TRPV4: variants seen among roughly 807,000 people sequenced by gnomAD.
TRPV4 encodes the protein transient receptor potential cation channel subfamily V member 4.
TRPV4 carries 58 observed loss-of-function variants against 84.1 expected under a neutral mutation model. The observed-to-expected ratio is 0.69, with a 90% CI of 0.56 to 0.86. The LOEUF (loss-of-function observed/expected upper bound fraction) is 0.86, where lower values mean the gene tolerates loss of function less well. Among genes scored for constraint, TRPV4 ranks in the 40% least tolerant of loss-of-function variants. The pLI, the probability that TRPV4 is intolerant of heterozygous loss-of-function variation, is 0.00. For synonymous variants in TRPV4, 489 were observed against 500.9 expected, an observed-to-expected ratio of 0.98 and a Z score of 0.32; for missense variants, 879 against 1,181.1, an observed-to-expected ratio of 0.74 and a Z score of 3.75.
chr12:109,791,208 C>T (rs1323040248), intron 12 of TRPV4, among the ~76,000 whole-genome samples: 1 of 152,126 alleles, frequency 6.6e-6, no homozygotes, highest in Non-Finnish European at 1.5e-5. Context: ...CATAGTGAAA[C>T]CCCATCTCTA....
At chr12:109,818,402 G>A (rs545811345) in intron 1 of TRPV4, among the ~76,000 whole-genome samples, 3 of 151,638 alleles carry the variant, frequency 2.0e-5, no homozygotes, top group Admixed American at 1.3e-4. Context: ...TGCCCTGGAG[G>A]TAGGTATTGC....
In TRPV4 at chr12:109,786,498, C is replaced by A. The variant is rs1271450315; in HGVS notation, c.2336+212G>T. Among the ~76,000 whole-genome samples, 1 of 152,216 alleles carries A rather than the reference C, an allele frequency of 6.6e-6. No individual in the cohort carries two copies. Among genetic ancestry groups the A allele is most frequent in the Non-Finnish European group, 1.5e-5 (1 of 68,042 alleles). On this transcript the variant is annotated intron_variant, in intron 14 of 15. Transcript: ENST00000261740. The surrounding 1 kb of genome is among the most constrained non-coding windows in gnomAD (Gnocchi z 4.5). The stretch of plus-strand genomic sequence containing the variant: ...CCGCCAGCCTAGGAGCCCGTGAGAT[C>A]ATTGTCTCATTCCACAGATGAAGAA...
At chr12:109,831,062 T>C (rs1039535524) in intron 1 of TRPV4, among the ~76,000 whole-genome samples, 1 of 152,158 alleles carries the variant, frequency 6.6e-6, no homozygotes, top group Non-Finnish European at 1.5e-5. Context: ...ACCGTGTCAC[T>C]CCCAGGCAGG....
At position 109,814,166 on chromosome 12, in the gene TRPV4, A is replaced by G. The variant is rs1436027485; in HGVS notation, c.386+245T>C. On this transcript the variant is annotated intron_variant, in intron 2 of 15. Transcript: ENST00000261740. The surrounding 1 kb of genome is among the most constrained non-coding windows in gnomAD (Gnocchi z 5.4). ...TAGAGATGGAGAGATGAATGGATTGATGGATAGATGTGTGGATGGTTGGAT... is the reference window on the plus strand; with the variant it reads ...TAGAGATGGAGAGATGAATGGATTGGTGGATAGATGTGTGGATGGTTGGAT... Among the ~76,000 whole-genome samples the G allele has an allele frequency of 6.6e-6, 1 of 151,586 alleles. No homozygotes were observed. Among genetic ancestry groups the G allele is most frequent in the African/African-American group, 2.4e-5 (1 of 41,218 alleles).
chr12:109,807,145 G>A (rs868572131), intron 3 of TRPV4, among the ~76,000 whole-genome samples: 17 of 151,462 alleles, frequency 1.1e-4, no homozygotes, highest in Middle Eastern at 3.2e-3. Flanking sequence ...GCGTGGTGGC[G>A]CATGCCTGTA....
intron 3 of TRPV4, 62 bp from the exon 4 acceptor site, chr12:109,803,205 A>T: frequency 6.3e-6 from 10 of 1,594,266 alleles, no homozygotes; most frequent in Non-Finnish European, 8.6e-6. Context: ...ACTTCCAGGC[A>T]TCGGGGTACA....
chr12:109,802,957 C>A (rs1330956648), intron 4 of TRPV4, 34 bp downstream of exon 4: 1 of 1,611,472 alleles, frequency 6.2e-7, no homozygotes, highest in Non-Finnish European at 8.5e-7. Flanking sequence ...CTCCATCAGC[C>A]CCCGTGGCAC....
At position 109,821,516 on chromosome 12, in the gene TRPV4, G is replaced by A. The variant is rs773264816; in HGVS notation, c.-31-6689C>T. 9.3e-5 allele frequency among the ~76,000 whole-genome samples: 14 copies of A among 150,830 alleles called. No individual in the cohort carries two copies. In the South Asian group the frequency reaches 1.1e-3, roughly 12 times the overall value. On this transcript the variant is annotated intron_variant, in intron 1 of 15. Transcript: ENST00000261740. Reference sequence around the variant, plus strand: ...TGCCTTCCTTTACAGCACTTCCCACGATTAAACTTTTCTATATATGTATTT... The same window carrying A: ...TGCCTTCCTTTACAGCACTTCCCACAATTAAACTTTTCTATATATGTATTT...
intron 4 of TRPV4, among the ~76,000 whole-genome samples, chr12:109,801,186 A>C (rs932182134): frequency 9.2e-5 from 14 of 152,096 alleles, no homozygotes; most frequent in Admixed American, 2.0e-4. Flanking sequence ...GGTGACTTAC[A>C]CCTGTGGTCC....
At chr12:109,823,865 A>G (rs943481802) in intron 1 of TRPV4, among the ~76,000 whole-genome samples, 4 of 152,156 alleles carry the variant, frequency 2.6e-5, no homozygotes, top group Non-Finnish European at 5.9e-5. Context: ...TCCCTCCCAG[A>G]ACCTCAGTTT....
chr12:109,793,872 G>A lies in TRPV4; in HGVS notation c.1584+58C>T, dbSNP rs1890195350. 8.0e-7 allele frequency: 1 copy of A among 1,246,048 alleles called. No homozygotes were observed. The highest frequency in any genetic ancestry group is 1.2e-6 in the Non-Finnish European group (1 of 859,658). The allele number at this position is 1,246,048 out of a possible 1,614,324, so 77.2% of individuals were successfully genotyped here. A position where few individuals can be genotyped will look rare whatever the true frequency, so the allele number is the denominator to read the frequency against. ...AGAGAAAAAGAGGGAGAGAAAAGAG[G>A]TGCAGGAAGAGAAGAGGAGGGCAGG... On this transcript the variant is annotated intron_variant, in intron 9 of 15. Transcript: ENST00000261740. The surrounding 1 kb of genome is among the most constrained non-coding windows in gnomAD (Gnocchi z 4.0).
chr12:109,809,925 T>C lies in TRPV4; in HGVS notation c.387-1457A>G, dbSNP rs766098437. Among the ~76,000 whole-genome samples, 4 of 152,310 alleles carry C rather than the reference T, an allele frequency of 2.6e-5. No individual in the cohort carries two copies. The South Asian group carries it at 8.3e-4, about 32-fold the overall frequency. ...CCCATGGCCCACCACACGGTAAACA[T>C]TCAATAAATGTTAGTTGATATTACC... On this transcript the variant is annotated intron_variant, in intron 2 of 15. Coordinates refer to ENST00000261740, the MANE Select transcript of TRPV4 (RefSeq NM_021625.5).
At chr12:109,794,582 G>C in intron 7 of TRPV4, 95 bp from the exon 8 acceptor site, 2 of 1,314,048 alleles carry the variant, frequency 1.5e-6, no homozygotes, top group Non-Finnish European at 2.2e-6. Flanking sequence ...CCCTCCACCC[G>C]GACAGCGCTT....
Position 109,783,255 on chromosome 12 carries a change from C to T in TRPV4, c.*366G>A, listed in dbSNP as rs553835775. On this transcript the variant is annotated 3_prime_UTR_variant, in exon 16 of 16. Transcript: ENST00000261740. This position sits in a 1 kb window ranked among gnomAD's most constrained non-coding sequence, Gnocchi z 4.6. ...GCGCAGGCTGAGGCTGGGGCTTGGC[C>T]GGGCAGTGCACTTGGAACGGGGTCC... The T allele has an allele frequency of 4.3e-5, 10 of 235,074 alleles. No individual in the cohort carries two copies. The East Asian group carries it at 5.1e-4, about 12-fold the overall frequency. The allele number at this position is 235,074 out of a possible 1,614,324, so 14.6% of individuals were successfully genotyped here.
rs772178856 is a variant in TRPV4, at chr12:109,783,754, C to T, written c.2483G>A (p.Arg828His). 8.1e-6 allele frequency: 13 copies of T among 1,612,384 alleles called. No homozygotes were observed. The South Asian group carries it at 8.8e-5, about 11-fold the overall frequency. Reference protein sequence around the residue: ...RRDRWSSVVPRVVELNKNSNP... With the variant: ...RRDRWSSVVPHVVELNKNSNP... ...CGAGTTCTTGTTCAGTTCCACCACG[C>T]GGGGTACCACCGAGGACCAGCGATC... is the stretch of plus-strand genomic sequence containing the variant. The change falls in exon 16 of 16, where the codon CGC becomes CAC. Residue 828 changes from arginine (R) to histidine (H), a missense_variant. Coordinates refer to ENST00000261740, the MANE Select transcript of TRPV4 (RefSeq NM_021625.5). The surrounding 1 kb of genome is among the most constrained non-coding windows in gnomAD (Gnocchi z 4.6).
intron 1 of TRPV4, among the ~76,000 whole-genome samples, chr12:109,828,884 G>A (rs1026372943): frequency 2.6e-4 from 40 of 152,118 alleles, no homozygotes; most frequent in African/African-American, 9.4e-4. Context: ...CCGGCAGTGG[G>A]GAAGCTGTGA....
intron 1 of TRPV4, among the ~76,000 whole-genome samples, chr12:109,827,843 T>G (rs1406142312): frequency 6.6e-6 from 1 of 151,030 alleles, no homozygotes; most frequent in African/African-American, 2.5e-5. Context: ...CATATACACA[T>G]ACACATATAG....
At chr12:109,791,094 G>C (rs1889996972) in intron 12 of TRPV4, among the ~76,000 whole-genome samples, 1 of 152,210 alleles carries the variant, frequency 6.6e-6, no homozygotes, top group Non-Finnish European at 1.5e-5. Context: ...ATAAGCAATA[G>C]TAAGTTGGCC....
rs371932229 is a variant in TRPV4 at position 109,786,661 on chromosome 12, G to T, written c.2336+49C>A. ...CTGGAGCAGCAGGGGCCCCGAGCCAGTGGGGACAGTTCCGCCCTGCCATCC... is the reference window on the plus strand; with the variant it reads ...CTGGAGCAGCAGGGGCCCCGAGCCATTGGGGACAGTTCCGCCCTGCCATCC... On this transcript the variant is annotated intron_variant, in intron 14 of 15. Coordinates refer to ENST00000261740, the MANE Select transcript of TRPV4 (RefSeq NM_021625.5). This position sits in a 1 kb window ranked among gnomAD's most constrained non-coding sequence, Gnocchi z 4.5. 3.7e-5 allele frequency: 60 copies of T among 1,611,454 alleles called. No homozygotes were observed. Among genetic ancestry groups the T allele is most frequent in the Non-Finnish European group, 4.2e-5 (50 of 1,179,586 alleles).
Sources: gnomAD v4.1 joint callset for allele counts (sites outside exome capture counted in the v4.1 genomes callset) on GRCh38, gnomAD v4.1.1 for gene constraint, Gnocchi (gnomAD v3.1) non-coding constraint, MANE v1.5 for transcripts, NCBI Gene and HGNC (gene_info 2026-07-23, HGNC 2026-07-21) for gene names.